The following CDH11 variants were observed in gnomAD, a reference collection of about 807,000 sequenced individuals.
CDH11 encodes cadherin-11.
A neutral mutation model predicts 67.8 loss-of-function variants in CDH11; 11 were observed. The observed-to-expected ratio is 0.16, with a 90% confidence interval of 0.10 to 0.27. The LOEUF is 0.27. CDH11 is among the 10% of genes least tolerant of loss of function. The pLI is 1.00. For synonymous variants in CDH11, 419 were observed against 400.0 expected (o/e 1.05, Z -0.57); for missense variants, 847 against 1,031.2 (o/e 0.82, Z 2.45).
chr16:65,007,839 T>C (rs1368793681), intron 2 of CDH11, among the ~76,000 whole-genome samples: 1 of 152,230 alleles, frequency 6.6e-6, no homozygotes, highest in Non-Finnish European at 1.5e-5. Flanking sequence ...CACATTTATA[T>C]GTCTGACACC....
intron 2 of CDH11, among the ~76,000 whole-genome samples, chr16:65,043,913 C>G (rs2073909803): frequency 6.6e-6 from 1 of 152,078 alleles, no homozygotes; most frequent in Admixed American, 6.5e-5. Flanking sequence ...GTTTTCTAGG[C>G]TCTGCTTCAC....
intron 7 of CDH11, among the ~76,000 whole-genome samples, chr16:64,983,453 A>C (rs866194177): frequency 2.0e-5 from 3 of 152,292 alleles, no homozygotes; most frequent in Non-Finnish European, 2.9e-5. Flanking sequence ...TTCATCTTTT[A>C]AGGCGAGCAT....
chr16:65,015,502 G>A (rs948144036), intron 2 of CDH11, among the ~76,000 whole-genome samples: 1 of 151,676 alleles, frequency 6.6e-6, no homozygotes, highest in Non-Finnish European at 1.5e-5. Flanking sequence ...AAAGCAGAGA[G>A]GGCAGGGGAA....
chr16:64,972,665 C>T (rs1351499689), intron 9 of CDH11, among the ~76,000 whole-genome samples: 1 of 152,114 alleles, frequency 6.6e-6, no homozygotes, highest in African/African-American at 2.4e-5. Context: ...GTTTCAAACT[C>T]CTGAGGGCTA....
rs772881140 is a variant in CDH11, at chr16:64,972,904, G to A, written c.1390C>T (p.His464Tyr). 21 of 1,613,544 alleles carry A rather than the reference G, an allele frequency of 1.3e-5. No homozygotes were observed. The highest frequency in any genetic ancestry group is 5.0e-5 in the Admixed American group (3 of 59,970). The change falls in exon 9 of 13, where the codon CAC (histidine) becomes TAC (tyrosine). Residue 464 changes from histidine (H) to tyrosine (Y), a missense_variant and splice_region_variant. Around this residue, in one of 2 missense-constraint regions of CDH11, gnomAD observed 612 missense variants for 678.7 expected, o/e 0.90. Transcript: ENST00000268603. ...TCAAAACCATGAGGAGAATACTTAC[G>A]GATTTCTGCTGCAAAGACAGTGATG... is the stretch of plus-strand genomic sequence containing the variant. The part of the protein sequence containing the change: ...LNITVFAAEI[H>Y]NRHQEAKVPV...
chr16:65,112,228 T>C (rs1045313971), intron 1 of CDH11, among the ~76,000 whole-genome samples: 2 of 152,160 alleles, frequency 1.3e-5, no homozygotes, highest in Non-Finnish European at 2.9e-5. Flanking sequence ...AATGTCTCAA[T>C]GGTTTGCATA....
At chr16:65,064,542 G>A (rs897641902) in intron 1 of CDH11, among the ~76,000 whole-genome samples, 6 of 152,166 alleles carry the variant, frequency 3.9e-5, no homozygotes, top group Non-Finnish European at 5.9e-5. Flanking sequence ...CAATAAATGG[G>A]GGAAATGGAG....
intron 1 of CDH11, among the ~76,000 whole-genome samples, chr16:65,114,743 C>G (rs1266237989): frequency 6.6e-6 from 1 of 152,138 alleles, no homozygotes; most frequent in Non-Finnish European, 1.5e-5. Context: ...GTCCAGGAGC[C>G]TTGGAAAGCC....
intron 2 of CDH11, among the ~76,000 whole-genome samples, chr16:65,042,923 G>A (rs536527358): frequency 1.3e-5 from 2 of 152,254 alleles, no homozygotes; most frequent in Admixed American, 6.5e-5. Context: ...AACAGGGTGG[G>A]AAAACCTTTC....
chr16:65,111,788 G>T (rs1033947093), intron 1 of CDH11, among the ~76,000 whole-genome samples: 1 of 151,554 alleles, frequency 6.6e-6, no homozygotes, highest in Non-Finnish European at 1.5e-5. Context: ...ATGAATAATT[G>T]CAACAGGGCG....
At chr16:65,100,725 G>A (rs1234541278) in intron 1 of CDH11, among the ~76,000 whole-genome samples, 2 of 141,430 alleles carry the variant, frequency 1.4e-5, no homozygotes, top group Middle Eastern at 4.0e-3. Flanking sequence ...GTGACAGAGC[G>A]AGACTCTGTC....
In CDH11 at chr16:64,998,739, A is replaced by T. The variant is rs749127824; in HGVS notation, c.346T>A (p.Leu116Met). ...TACTGGGCTCTCTCTTCTCGATCCA[A>T]CGTCTTGGTGGCATGAATGTTCCCT... ...KSGNIHATKTLDREERAQYTL... is the reference protein window; with the variant it reads ...KSGNIHATKTMDREERAQYTL... The change falls in exon 4 of 13, where the codon TTG becomes ATG. Residue 116 changes from leucine to methionine, a missense_variant. Around this residue, in one of 2 missense-constraint regions of CDH11, gnomAD observed 235 missense variants for 352.5 expected, o/e 0.67. Transcript: ENST00000268603. The T allele has an allele frequency of 6.2e-7, 1 of 1,613,850 alleles. No homozygotes were observed. Among genetic ancestry groups the T allele is most frequent in the Admixed American group, 1.7e-5 (1 of 59,982 alleles).
At chr16:65,105,293 C>T (rs930234323) in intron 1 of CDH11, among the ~76,000 whole-genome samples, 3 of 152,084 alleles carry the variant, frequency 2.0e-5, no homozygotes, top group Admixed American at 6.6e-5. Flanking sequence ...AAGGCTGAAC[C>T]GAATATAGAG....
intron 11 of CDH11, among the ~76,000 whole-genome samples, chr16:64,951,771 C>T (rs745617476): frequency 6.6e-6 from 1 of 152,138 alleles, no homozygotes; most frequent in Non-Finnish European, 1.5e-5. Flanking sequence ...AACTATGAAT[C>T]CACTCATTAG....
chr16:65,096,435 GTGTGTGTGTA>G (rs1304303279), intron 1 of CDH11, among the ~76,000 whole-genome samples: 4 of 143,278 alleles, frequency 2.8e-5, no homozygotes, highest in African/African-American at 1.1e-4. Context: ...GTGTGTGTGT[GTGTGTGTGTA>G]TATATATGTT....
intron 1 of CDH11, among the ~76,000 whole-genome samples, chr16:65,057,964 G>T (rs1442993611): frequency 6.6e-6 from 1 of 152,208 alleles, no homozygotes; most frequent in East Asian, 1.9e-4. Flanking sequence ...GCCAGCTGCA[G>T]TGGCTCATGC....
chr16:65,113,100 ACATAGTGAAACCCCAT>A (rs1481381771), intron 1 of CDH11, among the ~76,000 whole-genome samples: 1 of 152,092 alleles, frequency 6.6e-6, no homozygotes, highest in Non-Finnish European at 1.5e-5. Context: ...AGCTTGACCA[ACATAGTGAAACCCCAT>A]CTCTACTAAA....
chr16:65,085,195 G>A (rs1348045983), intron 1 of CDH11, among the ~76,000 whole-genome samples: 2 of 152,218 alleles, frequency 1.3e-5, no homozygotes, highest in Non-Finnish European at 2.9e-5. Context: ...ACAGGCATGA[G>A]CCACCACACC....
intron 1 of CDH11, among the ~76,000 whole-genome samples, chr16:65,075,629 C>T (rs141253400): frequency 3.3e-5 from 5 of 152,300 alleles, no homozygotes; most frequent in Admixed American, 6.5e-5. Flanking sequence ...AAGCATATTT[C>T]AGGAGACTCT....
Sources: allele counts gnomAD v4.1 joint callset (sites outside exome capture counted in the v4.1 genomes callset), GRCh38; gene constraint gnomAD v4.1.1; regional missense constraint gnomAD v4.1.1; transcripts MANE v1.5; gene names NCBI Gene and HGNC (gene_info 2026-07-23, HGNC 2026-07-21).